Variants in RABGAP1L observed in about 807,000 individuals in gnomAD.
The protein encoded by RABGAP1L is rab GTPase-activating protein 1-like.
Under a neutral mutation model 137.7 loss-of-function variants are expected in RABGAP1L, and 63 were observed. The ratio of observed to expected loss-of-function variants is 0.46; its 90% CI spans 0.37 to 0.56. The LOEUF (loss-of-function observed/expected upper bound fraction) is 0.56, where lower values mean the gene tolerates loss of function less well. RABGAP1L is among the 20% of genes least tolerant of loss of function. The pLI is 0.00. For missense variants in RABGAP1L, 1,095 were observed against 1,244.0 expected, an observed-to-expected ratio of 0.88 and a Z score of 1.80; for synonymous variants, 431 against 433.7, an observed-to-expected ratio of 0.99 and a Z score of 0.08.
At chr1:174,469,651 T>C (rs1657686622) in intron 13 of RABGAP1L, among the ~76,000 whole-genome samples, 1 of 152,172 alleles carries the variant, frequency 6.6e-6, no homozygotes, top group Admixed American at 6.5e-5. Context: ...TCCCTCACTA[T>C]AAGCTCTCTG....
At chr1:174,249,627 ATTCC>A (rs1672552749) in intron 5 of RABGAP1L, among the ~76,000 whole-genome samples, 1 of 148,396 alleles carries the variant, frequency 6.7e-6, no homozygotes, top group Non-Finnish European at 1.5e-5. Context: ...AGTAAAAGGA[ATTCC>A]TTCTTTCTTT....
chr1:174,640,533 T>C (rs1176222109), intron 14 of RABGAP1L, among the ~76,000 whole-genome samples: 1 of 152,080 alleles, frequency 6.6e-6, no homozygotes, highest in African/African-American at 2.4e-5. Flanking sequence ...CTGTGTAGTC[T>C]AACTGTTCTA....
At chr1:174,279,327 G>T (rs1675284662) in intron 10 of RABGAP1L, among the ~76,000 whole-genome samples, 1 of 152,194 alleles carries the variant, frequency 6.6e-6, no homozygotes, top group African/African-American at 2.4e-5. Context: ...TGTAACTTTT[G>T]TATTATAGCA....
At chr1:174,383,063 T>C (rs201308494) in intron 12 of RABGAP1L, among the ~76,000 whole-genome samples, 1 of 150,996 alleles carries the variant, frequency 6.6e-6, no homozygotes, top group Admixed American at 6.6e-5. Flanking sequence ...GAGGTGTCAG[T>C]GTGCCCCTGC....
At chr1:174,430,788 A>G (rs1222963900) in intron 13 of RABGAP1L, among the ~76,000 whole-genome samples, 1 of 152,222 alleles carries the variant, frequency 6.6e-6, no homozygotes, top group East Asian at 1.9e-4. Flanking sequence ...TGATATAAAA[A>G]ATAATTAAAC....
At chr1:174,977,334 A>G (rs541404108) in intron 22 of RABGAP1L, among the ~76,000 whole-genome samples, 5 of 152,276 alleles carry the variant, frequency 3.3e-5, no homozygotes, top group African/African-American at 1.2e-4. Context: ...GTTTTAGATT[A>G]TTTAGGCTCC....
intron 19 of RABGAP1L, among the ~76,000 whole-genome samples, chr1:174,936,357 A>C (rs1239481569): frequency 6.6e-6 from 1 of 152,048 alleles, no homozygotes; most frequent in African/African-American, 2.4e-5. Flanking sequence ...GGTGCCAGCT[A>C]CACAGAAGGC....
At chr1:174,611,564 TTAAAG>T (rs1671255221) in intron 13 of RABGAP1L, among the ~76,000 whole-genome samples, 1 of 149,388 alleles carries the variant, frequency 6.7e-6, no homozygotes, top group African/African-American at 2.5e-5. Context: ...CATATGAACT[TTAAAG>T]TAGTTTTTTC....
intron 4 of RABGAP1L, among the ~76,000 whole-genome samples, chr1:174,235,093 C>G (rs78803388): frequency 0.26 from 34,417 of 134,726 alleles, 4,277 homozygotes; most frequent in African/African-American, 0.32. Context: ...TATAAGAATG[C>G]TTGTGATTTT....
rs572226124 is a variant in RABGAP1L at position 174,632,022 on chromosome 1, C to T, written c.1711-5353C>T. On this transcript the variant is annotated intron_variant, in intron 13 of 25. Transcript: ENST00000681986. ...TTTACATTTTGGCATGATTTTGCAG[C>T]GGCTGGTACCGGTTGTTCCTTTCCA... Among the ~76,000 whole-genome samples the T allele has an allele frequency of 7.3e-3, 801 of 110,214 alleles. 1 individual carries two copies. The highest frequency in any genetic ancestry group is 0.039 in the Middle Eastern group (10 of 258). 72.3% of individuals were successfully genotyped at this position (110,214 alleles called of 152,430 possible).
chr1:174,902,720 T>C (rs115051368), intron 19 of RABGAP1L, among the ~76,000 whole-genome samples: 2,487 of 152,252 alleles, frequency 0.016, 47 homozygotes, highest in African/African-American at 0.057. Context: ...ACTGTTTCCC[T>C]TGGCTGGGGG....
intron 20 of RABGAP1L, among the ~76,000 whole-genome samples, chr1:174,961,845 C>CA (rs61233451): frequency 2.3e-3 from 203 of 88,708 alleles, no homozygotes; most frequent in Middle Eastern, 9.6e-3. Context: ...GACTCTGTCT[C>CA]AAAAAAAAAA....
In RABGAP1L at chr1:174,699,669, C is replaced by G. The variant is rs1447271957; in HGVS notation, c.2025+19C>G. ...AATGCAGGTAAATAAAAATTAGGAA[C>G]TTTTATCACTCAGGGATTTGTTGAG... On this transcript the variant is annotated intron_variant, in intron 16 of 25. Coordinates refer to ENST00000681986, the MANE Select transcript of RABGAP1L (RefSeq NM_001366446.1). 3.8e-6 allele frequency: 6 copies of G among 1,581,590 alleles called. No homozygotes were observed. The highest frequency in any genetic ancestry group is 4.3e-6 in the Non-Finnish European group (5 of 1,155,174).
chr1:174,827,448 A>G (rs1037509820), intron 19 of RABGAP1L, among the ~76,000 whole-genome samples: 1 of 120,866 alleles, frequency 8.3e-6, no homozygotes, highest in Admixed American at 8.0e-5. Context: ...GGATTTCAAC[A>G]TATTAATTGG....
intron 19 of RABGAP1L, among the ~76,000 whole-genome samples, chr1:174,873,024 C>T (rs1220433975): frequency 1.3e-5 from 2 of 152,148 alleles, no homozygotes; most frequent in Admixed American, 1.3e-4. Flanking sequence ...TGCTACCCAT[C>T]TATATGGGGG....
intron 1 of RABGAP1L, among the ~76,000 whole-genome samples, chr1:174,174,377 G>A (rs1665667699): frequency 6.6e-6 from 1 of 152,142 alleles, no homozygotes; most frequent in Non-Finnish European, 1.5e-5. Context: ...TGAAATATAT[G>A]TCCTGTATAG....
intron 13 of RABGAP1L, among the ~76,000 whole-genome samples, chr1:174,544,084 C>G (rs1479040465): frequency 1.3e-5 from 2 of 152,146 alleles, no homozygotes; most frequent in East Asian, 3.9e-4. Context: ...TGGAGTTGCT[C>G]TTCTCGAGGA....
intron 13 of RABGAP1L, among the ~76,000 whole-genome samples, chr1:174,605,507 T>C (rs74976967): frequency 6.7e-6 from 1 of 148,490 alleles, no homozygotes; most frequent in Admixed American, 6.7e-5. Context: ...TTGTAAAGCC[T>C]TTTTTTTTTA....
Position 174,438,744 on chromosome 1 carries a change from GTATATATATATATATATA to G in RABGAP1L, c.1710+44615_1710+44632del, listed in dbSNP as rs71117563. Among the ~76,000 whole-genome samples the G allele has an allele frequency of 8.0e-4, 76 of 95,456 alleles. 4 individuals carry two copies. The highest frequency in any genetic ancestry group is 2.8e-3 in the African/African-American group (60 of 21,062). The allele number at this position is 95,456 out of a possible 152,430, so 62.6% of individuals were successfully genotyped here. On this transcript the variant is annotated intron_variant, in intron 13 of 25. Transcript: ENST00000681986. ...AAAAACCCAAAAAAAGTGTGTGTGTGTATATATATATATATATATATATATATATATATGACTTTTTAA... is the reference window on the plus strand; with the variant it reads ...AAAAACCCAAAAAAAGTGTGTGTGTGTATATATATATATATGACTTTTTAA...
Sources: gnomAD v4.1 joint callset for allele counts (sites outside exome capture counted in the v4.1 genomes callset) on GRCh38, gnomAD v4.1.1 for gene constraint, MANE v1.5 for transcripts, NCBI Gene and HGNC (gene_info 2026-07-23, HGNC 2026-07-21) for gene names.